AHR: variants seen among roughly 807,000 people sequenced by gnomAD.
The protein encoded by AHR is AH-receptor.
AHR carries 40 observed loss-of-function variants against 86.8 expected under a neutral mutation model. The observed-to-expected ratio is 0.46, with a 90% CI of 0.36 to 0.60. The LOEUF is 0.60. AHR is among the 20% of genes least tolerant of loss of function. The pLI, the probability that AHR is intolerant of heterozygous loss-of-function variation, is 0.00. For missense variants in AHR, 1,001 were observed against 1,011.6 expected (o/e 0.99, Z 0.14); for synonymous variants, 398 against 354.9 (o/e 1.12, Z -1.37).
At chr7:17,341,926 A>G (rs1782430607) in intron 10 of AHR, among the ~76,000 whole-genome samples, 1 of 152,166 alleles carries the variant, frequency 6.6e-6, no homozygotes, top group Non-Finnish European at 1.5e-5. Flanking sequence ...GTAATGAGAA[A>G]AAATCATTTT....
Position 17,298,981 on chromosome 7 carries a change from G to A in AHR, c.-284G>A. The A allele has an allele frequency of 4.4e-6, 2 of 458,004 alleles. No homozygotes were observed. The highest frequency in any genetic ancestry group is 7.6e-6 in the Non-Finnish European group (2 of 264,444). 28.4% of individuals were successfully genotyped at this position (458,004 alleles called of 1,614,324 possible). A position where few individuals can be genotyped will look rare whatever the true frequency, so the allele number is the denominator to read the frequency against. On this transcript the variant is annotated 5_prime_UTR_variant, in exon 1 of 11. Coordinates refer to ENST00000242057, the MANE Select transcript of AHR (RefSeq NM_001621.5). ...GCATTGCCGCGCCGCCTCCGCCGGT[G>A]TAGACGGCACCTGCGCCGCCTTGCT...
chr7:17,315,700 G>A (rs1782108171), intron 2 of AHR, among the ~76,000 whole-genome samples: 1 of 151,626 alleles, frequency 6.6e-6, no homozygotes, highest in South Asian at 2.1e-4. Context: ...TTTGTGATCT[G>A]GTTAATGGAA....
rs1003250637 is a variant in AHR at position 17,310,041 on chromosome 7, A to G, written c.171A>G (p.Pro57=). The G allele has an allele frequency of 1.2e-6, 2 of 1,614,084 alleles. No homozygotes were observed. Among genetic ancestry groups the G allele is most frequent in the South Asian group, 1.1e-5 (1 of 91,080 alleles). ...LDRLASLLPF[P]QDVINKLDKL... ...GTTTGGCTAGCCTGCTGCCTTTCCC[A>G]CAAGATGTTATTAATAAGTTGGACA... is the stretch of plus-strand genomic sequence containing the variant. The change falls in exon 2 of 11, where the codon CCA becomes CCG. Residue 57 remains proline, a synonymous_variant. Transcript: ENST00000242057.
At chr7:17,302,199 G>A (rs1781962012) in intron 1 of AHR, among the ~76,000 whole-genome samples, 1 of 139,754 alleles carries the variant, frequency 7.2e-6, no homozygotes, top group South Asian at 2.4e-4. Flanking sequence ...AATAATAGGT[G>A]TTGAGAAAAG....
chr7:17,307,248 G>A (rs541596112), intron 1 of AHR, among the ~76,000 whole-genome samples: 53 of 152,146 alleles, frequency 3.5e-4, no homozygotes, highest in African/African-American at 1.3e-3. Context: ...TCTCTCCAGT[G>A]TTTCATAATC....
chr7:17,339,986 A>G lies in AHR; in HGVS notation c.2161A>G (p.Met721Val), dbSNP rs142052003. Residue 721 changes from methionine to valine, a missense_variant, in exon 10 of 11, where the codon ATG becomes GTG. Physicochemically the swap from Met to Val is conservative, Grantham distance 21. Around this residue, in one of 2 missense-constraint regions of AHR, gnomAD observed 607 missense variants for 543.1 expected, o/e 1.12. Transcript: ENST00000242057. The stretch of plus-strand genomic sequence containing the variant: ...CAAATGTACAGAGCTGGACTACCCT[A>G]TGGGGAGTTTTGAACCATCCCCATA... ...HSKCTELDYP[M>V]GSFEPSPYPT... 10 of 1,614,066 alleles carry G rather than the reference A, an allele frequency of 6.2e-6. No homozygotes were observed. The highest frequency in any genetic ancestry group is 5.3e-5 in the African/African-American group (4 of 74,926).
At chr7:17,306,941 G>T (rs1782011865) in intron 1 of AHR, among the ~76,000 whole-genome samples, 2 of 152,140 alleles carry the variant, frequency 1.3e-5, no homozygotes, top group African/African-American at 4.8e-5. Context: ...ATACAAAAAT[G>T]ATTTAAGCTT....
intron 3 of AHR, among the ~76,000 whole-genome samples, chr7:17,326,262 A>G (rs1279590872): frequency 6.6e-6 from 1 of 152,226 alleles, no homozygotes; most frequent in Non-Finnish European, 1.5e-5. Context: ...TTTGTAGTCA[A>G]GTTCTTAGAA....
At position 17,343,304 on chromosome 7, in the gene AHR, T is replaced by C. The variant is rs986519139; in HGVS notation, c.*240T>C. On this transcript the variant is annotated 3_prime_UTR_variant, in exon 11 of 11. Coordinates refer to ENST00000242057, the MANE Select transcript of AHR (RefSeq NM_001621.5). ...AGGGTGCTGCCACGGAGTGGTGAGG[T>C]ACCGTCTACATTTCACATTATTCTG... 3.2e-5 allele frequency: 16 copies of C among 507,806 alleles called. No individual in the cohort carries two copies. The highest frequency in any genetic ancestry group is 4.9e-4 in the Middle Eastern group (1 of 2,048). The allele number at this position is 507,806 out of a possible 1,614,324, so 31.5% of individuals were successfully genotyped here.
intron 1 of AHR, among the ~76,000 whole-genome samples, chr7:17,307,851 G>A (rs777407138): frequency 1.4e-4 from 21 of 152,042 alleles, no homozygotes; most frequent in Non-Finnish European, 2.9e-4. Context: ...GCCTAAGTCC[G>A]ATTTCTATCG....
intron 1 of AHR, among the ~76,000 whole-genome samples, chr7:17,307,640 C>T (rs1275753854): frequency 6.6e-6 from 1 of 152,130 alleles, no homozygotes; most frequent in Non-Finnish European, 1.5e-5. Context: ...AGCTAAGGAA[C>T]ATGGACAGTT....
chr7:17,324,800 T>C (rs1055948171), intron 3 of AHR, among the ~76,000 whole-genome samples: 1 of 140,998 alleles, frequency 7.1e-6, no homozygotes, highest in African/African-American at 2.8e-5. Context: ...AGACTCCATC[T>C]GAAAAAAAAA....
At chr7:17,318,047 G>A (rs568519338) in intron 2 of AHR, among the ~76,000 whole-genome samples, 1 of 152,186 alleles carries the variant, frequency 6.6e-6, no homozygotes, top group Admixed American at 6.6e-5. Context: ...GGACTACCCT[G>A]CCAAAGTAGT....
At chr7:17,310,295 C>T (rs1395097733) in intron 2 of AHR, among the ~76,000 whole-genome samples, 172 bp downstream of exon 2, 1 of 151,968 alleles carries the variant, frequency 6.6e-6, no homozygotes, top group East Asian at 1.9e-4. Flanking sequence ...ATCAATTTTC[C>T]AGTTTTATTC....
Position 17,327,803 on chromosome 7 carries a change from C to T in AHR, c.405C>T (p.Val135=), listed in dbSNP as rs1782244842. 1 of 1,577,798 alleles carries T rather than the reference C, an allele frequency of 6.3e-7. No homozygotes were observed. Among genetic ancestry groups the T allele is most frequent in the Admixed American group, 1.7e-5 (1 of 59,274 alleles). ...TAGTTGTCACTACAGATGCTTTGGT[C>T]TTTTATGCTTCTTCTACTATACAAG... ...FVLVVTTDAL[V]FYASSTIQDY... is the part of the protein sequence containing the mutation. The change falls in exon 4 of 11, where the codon GTC becomes GTT. Residue 135 remains valine (V), a synonymous_variant. Coordinates refer to ENST00000242057, the MANE Select transcript of AHR (RefSeq NM_001621.5).
intron 3 of AHR, among the ~76,000 whole-genome samples, chr7:17,323,418 A>T (rs1312798215): frequency 6.6e-6 from 1 of 152,120 alleles, no homozygotes; most frequent in African/African-American, 2.4e-5. Flanking sequence ...ATGCTTCAGA[A>T]TTTAGTTTCT....
chr7:17,299,365 G>T, intron 1 of AHR, 36 bp downstream of exon 1: 1 of 1,606,318 alleles, frequency 6.2e-7, no homozygotes. Flanking sequence ...CGCGGGGGCT[G>T]GGCGCTCAGG....
At chr7:17,328,746 T>C (rs1782254257) in intron 4 of AHR, among the ~76,000 whole-genome samples, 2 of 151,908 alleles carry the variant, frequency 1.3e-5, no homozygotes, top group Non-Finnish European at 2.9e-5. Context: ...ACTGAAGGGT[T>C]TTGTTACAGG....
At chr7:17,303,590 T>A (rs1203133178) in intron 1 of AHR, among the ~76,000 whole-genome samples, 2 of 152,126 alleles carry the variant, frequency 1.3e-5, no homozygotes, top group Non-Finnish European at 2.9e-5. Flanking sequence ...TAAAACATTG[T>A]TTTTAAAGGC....
Sources: allele counts gnomAD v4.1 joint callset (sites outside exome capture counted in the v4.1 genomes callset), GRCh38; gene constraint gnomAD v4.1.1; regional missense constraint gnomAD v4.1.1; transcripts MANE v1.5; gene names NCBI Gene and HGNC (gene_info 2026-07-23, HGNC 2026-07-21).